Variants in PTPRZ1 observed in about 807,000 individuals in gnomAD.
The protein encoded by PTPRZ1 is receptor-type tyrosine-protein phosphatase zeta.
PTPRZ1 carries 82 observed loss-of-function variants against 214.1 expected under a neutral mutation model. The ratio of observed to expected loss-of-function variants is 0.38; its 90% CI spans 0.32 to 0.46. PTPRZ1 has a LOEUF of 0.46. PTPRZ1 is among the 20% of genes least tolerant of loss of function. The pLI is 1.00. For missense variants in PTPRZ1, 2,603 were observed against 2,748.7 expected, an observed-to-expected ratio of 0.95 and a Z score of 1.19; for synonymous variants, 945 against 987.9, an observed-to-expected ratio of 0.96 and a Z score of 0.81.
chr7:121,933,693 C>T (rs1198689242), intron 2 of PTPRZ1, among the ~76,000 whole-genome samples: 6 of 151,958 alleles, frequency 3.9e-5, no homozygotes, highest in Non-Finnish European at 5.9e-5. Flanking sequence ...ACAAAAAGGC[C>T]ATAATTTAAG....
chr7:121,947,037 A>G (rs943492540), intron 2 of PTPRZ1, among the ~76,000 whole-genome samples: 79 of 152,136 alleles, frequency 5.2e-4, no homozygotes, highest in African/African-American at 1.7e-3. Flanking sequence ...TATATTGGCA[A>G]TATCTGAACG....
intron 2 of PTPRZ1, among the ~76,000 whole-genome samples, chr7:121,939,868 G>A (rs6948149): frequency 0.36 from 54,913 of 151,852 alleles, 10,124 homozygotes; most frequent in South Asian, 0.43. Context: ...TGTAAGGTAC[G>A]GAACCCTAAT....
rs1165033061 is a variant in PTPRZ1, at chr7:121,937,075, A to C, written c.124+8854A>C. Reference sequence around the variant, plus strand: ...TTACTACACCAGCATCCAAACTGTTATAGACTGTTATAGAGCTTCTAACTA... The same window carrying C: ...TTACTACACCAGCATCCAAACTGTTCTAGACTGTTATAGAGCTTCTAACTA... On this transcript the variant is annotated intron_variant, in intron 2 of 29. Transcript: ENST00000393386. Among the ~76,000 whole-genome samples, 11 of 152,208 alleles carry C rather than the reference A, an allele frequency of 7.2e-5. No individual in the cohort carries two copies. The East Asian group carries it at 1.9e-3, about 27-fold the overall frequency.
chr7:121,898,942 C>T (rs1251788968), intron 1 of PTPRZ1, among the ~76,000 whole-genome samples: 2 of 152,098 alleles, frequency 1.3e-5, no homozygotes, highest in African/African-American at 2.4e-5. Flanking sequence ...GATGAGACTA[C>T]AGAAATAACT....
At position 122,011,027 on chromosome 7, in the gene PTPRZ1, A is replaced by G; in HGVS notation, c.1981A>G (p.Thr661Ala). 3 of 1,614,108 alleles carry G rather than the reference A, an allele frequency of 1.9e-6. 1 individual carries two copies. Among genetic ancestry groups the G allele is most frequent in the South Asian group, 1.1e-5 (1 of 91,080 alleles). Residue 661 changes from threonine to alanine, a missense_variant, in exon 12 of 30, where the codon ACA (threonine) becomes GCA (alanine). Physicochemically the swap from Thr to Ala is moderately conservative, Grantham distance 58 (BLOSUM62 0). Coordinates refer to ENST00000393386, the MANE Select transcript of PTPRZ1 (RefSeq NM_002851.3). ...NVWFPSSTDITAQPDVGSGRE... is the reference protein window; with the variant it reads ...NVWFPSSTDIAAQPDVGSGRE... The stretch of plus-strand genomic sequence containing the variant: ...GTGGTTTCCTAGCTCTACAGACATA[A>G]CAGCACAGCCCGATGTTGGATCAGG...
In PTPRZ1 at chr7:121,967,956, C is replaced by G; in HGVS notation, c.130C>G (p.Leu44Val). ...TTACTCCTTCTTTTCCCTAGGAGCA[C>G]TGAATCAAAAAAATTGGGGAAAGAA... ...EEIGWSYTGA[L>V]NQKNWGKKYP... Residue 44 changes from leucine to valine, a missense_variant, in exon 3 of 30, where the codon CTG becomes GTG. Leu to Val is a conservative substitution (Grantham distance 32). This residue lies in a region of PTPRZ1 where 141 missense variants were observed against 143.7 expected (regional missense o/e 0.98). Coordinates refer to ENST00000393386, the MANE Select transcript of PTPRZ1 (RefSeq NM_002851.3). 1 of 1,568,186 alleles carries G rather than the reference C, an allele frequency of 6.4e-7. No individual in the cohort carries two copies.
chr7:121,932,702 A>G (rs1056340304), intron 2 of PTPRZ1, among the ~76,000 whole-genome samples: 13 of 152,324 alleles, frequency 8.5e-5, no homozygotes, highest in African/African-American at 3.1e-4. Context: ...ATTACATTAC[A>G]CATCAAACAT....
intron 2 of PTPRZ1, among the ~76,000 whole-genome samples, chr7:121,955,106 G>A (rs1479677544): frequency 1.3e-5 from 2 of 152,238 alleles, no homozygotes; most frequent in South Asian, 4.1e-4. Flanking sequence ...GGTTGCCACT[G>A]TGTCTCAGAC....
chr7:121,962,281 T>C (rs1489472213), intron 2 of PTPRZ1, among the ~76,000 whole-genome samples: 1 of 151,880 alleles, frequency 6.6e-6, no homozygotes, highest in East Asian at 2.0e-4. Flanking sequence ...ACCCTGTTTC[T>C]ACTAAAAATA....
At chr7:122,031,329 G>A (rs1799363535) in intron 14 of PTPRZ1, 145 bp from the exon 15 acceptor site, 1 of 624,326 alleles carries the variant, frequency 1.6e-6, no homozygotes, top group Non-Finnish European at 2.8e-6. Context: ...GAGAAAATTG[G>A]TAATTGTTGC....
chr7:122,029,146 G>A (rs1340500592), intron 14 of PTPRZ1, among the ~76,000 whole-genome samples: 1 of 151,194 alleles, frequency 6.6e-6, no homozygotes, highest in African/African-American at 2.4e-5. Context: ...AAATTGTGGT[G>A]GTAATAGCAG....
intron 4 of PTPRZ1, 140 bp downstream of exon 4, chr7:121,972,832 C>T (rs988399746): frequency 1.4e-6 from 1 of 708,718 alleles, no homozygotes; most frequent in African/African-American, 1.9e-5. Flanking sequence ...ATATACTAGA[C>T]TAAGCTAAAT....
intron 1 of PTPRZ1, among the ~76,000 whole-genome samples, chr7:121,904,007 G>C (rs1373285522): frequency 1.8e-5 from 2 of 108,920 alleles, no homozygotes; most frequent in Non-Finnish European, 3.9e-5. Context: ...CACAATAGTA[G>C]GTGTTTAGAC....
rs758258326 is a variant in PTPRZ1, at chr7:121,873,315, GTCTC to G, written c.-174_-171del. On this transcript the variant is annotated 5_prime_UTR_variant, in exon 1 of 30. Transcript: ENST00000393386. ...ACTGTCTCTCTCTGTCTCTGTCTCT[GTCTC>G]TCTCTCTCTCACACACACACACACA... 18 of 510,312 alleles carry G rather than the reference GTCTC, an allele frequency of 3.5e-5. No individual in the cohort carries two copies. The highest frequency in any genetic ancestry group is 1.1e-4 in the African/African-American group (4 of 37,190). The allele number at this position is 510,312 out of a possible 1,614,324, so 31.6% of individuals were successfully genotyped here.
intron 10 of PTPRZ1, among the ~76,000 whole-genome samples, chr7:121,998,538 C>A (rs1384293463): frequency 6.6e-6 from 1 of 151,960 alleles, no homozygotes; most frequent in African/African-American, 2.4e-5. Flanking sequence ...CCTTACTCTT[C>A]CCAAAAATAA....
At chr7:121,918,186 G>T (rs539644800) in intron 1 of PTPRZ1, among the ~76,000 whole-genome samples, 12 of 152,118 alleles carry the variant, frequency 7.9e-5, no homozygotes, top group African/African-American at 2.9e-4. Flanking sequence ...AACATGACCC[G>T]CACCTATTTT....
chr7:121,968,216 A>T, intron 3 of PTPRZ1, 86 bp downstream of exon 3: 1 of 1,204,560 alleles, frequency 8.3e-7, no homozygotes, highest in South Asian at 1.6e-5. Flanking sequence ...TTTCCTTTGA[A>T]TAGTGTACTA....
intron 1 of PTPRZ1, among the ~76,000 whole-genome samples, chr7:121,899,963 T>C (rs1206476): frequency 0.97 from 148,234 of 152,274 alleles, 72,202 homozygotes; most frequent in East Asian, 1. Flanking sequence ...GCTATTGGAA[T>C]GGACACAGAT....
rs557762604 is a variant in PTPRZ1 at position 121,918,921 on chromosome 7, A to G, written c.59-9235A>G. On this transcript the variant is annotated intron_variant, in intron 1 of 29. Coordinates refer to ENST00000393386, the MANE Select transcript of PTPRZ1 (RefSeq NM_002851.3). ...CGTCATTTCATATTAGGAACCTTAT[A>G]TAATTTATTTAAACTTCCCCACTTT... 4.1e-4 allele frequency among the ~76,000 whole-genome samples: 62 copies of G among 152,148 alleles called. 1 individual carries two copies. The South Asian group carries it at 0.011, about 28-fold the overall frequency.
Sources: gnomAD v4.1 joint callset for allele counts (sites outside exome capture counted in the v4.1 genomes callset) on GRCh38, gnomAD v4.1.1 for gene constraint, gnomAD v4.1.1 regional missense constraint, MANE v1.5 for transcripts, NCBI Gene and HGNC (gene_info 2026-07-23, HGNC 2026-07-21) for gene names.